CDH13: variants seen among roughly 807,000 people sequenced by gnomAD.
CDH13 encodes cadherin-13.
Under a neutral mutation model 63.8 loss-of-function variants are expected in CDH13, and 24 were observed. That is an observed-to-expected ratio of 0.38 (90% confidence interval 0.27 to 0.53). The LOEUF (loss-of-function observed/expected upper bound fraction) is 0.53, where lower values mean the gene tolerates loss of function less well. Ranked by LOEUF, CDH13 falls within the 20% of genes least tolerant of loss-of-function variation. The pLI is 0.85. For missense variants in CDH13, 1,049 were observed against 903.1 expected (o/e 1.16, Z -2.07); for synonymous variants, 503 against 355.3 (o/e 1.42, Z -4.67).
chr16:82,915,020 G>A (rs763441837), intron 2 of CDH13, among the ~76,000 whole-genome samples: 1 of 152,212 alleles, frequency 6.6e-6, no homozygotes, highest in Non-Finnish European at 1.5e-5. Context: ...ACGATGTGCA[G>A]TGGTCTAAAC....
chr16:82,971,247 C>G (rs1908699004), intron 2 of CDH13, among the ~76,000 whole-genome samples: 1 of 152,200 alleles, frequency 6.6e-6, no homozygotes, highest in African/African-American at 2.4e-5. Context: ...ACATTGACAG[C>G]TGATTTGATA....
intron 6 of CDH13, among the ~76,000 whole-genome samples, chr16:83,371,446 A>G (rs1474610418): frequency 1.3e-5 from 2 of 152,172 alleles, no homozygotes; most frequent in African/African-American, 2.4e-5. Flanking sequence ...TTCTTGGCAT[A>G]CTTATACTTT....
chr16:82,833,426 C>G (rs1374973821), intron 1 of CDH13, among the ~76,000 whole-genome samples: 4 of 152,170 alleles, frequency 2.6e-5, no homozygotes, highest in Non-Finnish European at 5.9e-5. Flanking sequence ...GCCAGGTTTG[C>G]TTGACTTCAC....
intron 6 of CDH13, among the ~76,000 whole-genome samples, chr16:83,444,962 A>G (rs1371860772): frequency 6.6e-6 from 1 of 151,604 alleles, no homozygotes; most frequent in Non-Finnish European, 1.5e-5. Flanking sequence ...TAAAGCTCTT[A>G]AGAAAGGATG....
intron 4 of CDH13, among the ~76,000 whole-genome samples, chr16:83,209,401 G>T (rs182085772): frequency 3.3e-5 from 5 of 152,264 alleles, no homozygotes; most frequent in African/African-American, 9.6e-5. Context: ...CCTCCACACA[G>T]AGTCATTTTC....
intron 8 of CDH13, among the ~76,000 whole-genome samples, chr16:83,648,078 A>T (rs547984855): frequency 6.6e-6 from 1 of 152,172 alleles, no homozygotes; most frequent in East Asian, 1.9e-4. Flanking sequence ...ATATTCCCTC[A>T]AGGTGTGTTT....
At chr16:83,323,942 A>C (rs1597746984) in intron 5 of CDH13, among the ~76,000 whole-genome samples, 1 of 152,132 alleles carries the variant, frequency 6.6e-6, no homozygotes, top group Non-Finnish European at 1.5e-5. Flanking sequence ...GATATAATTC[A>C]CACACCACAC....
chr16:83,149,380 C>T (rs973453292), intron 4 of CDH13, among the ~76,000 whole-genome samples: 6 of 152,176 alleles, frequency 3.9e-5, no homozygotes, highest in African/African-American at 1.4e-4. Context: ...GCGATGTTAA[C>T]TTTAAACTCA....
intron 2 of CDH13, among the ~76,000 whole-genome samples, chr16:82,873,992 A>G (rs1047256741): frequency 9.9e-5 from 15 of 152,140 alleles, no homozygotes; most frequent in African/African-American, 3.6e-4. Flanking sequence ...AAAATATTTG[A>G]GAAATTAGTA....
intron 5 of CDH13, among the ~76,000 whole-genome samples, chr16:83,240,871 T>G (rs929478477): frequency 4.6e-5 from 7 of 151,988 alleles, no homozygotes; most frequent in Admixed American, 1.3e-4. Flanking sequence ...TTCTTAACCA[T>G]TTATAAGTAT....
At chr16:83,769,747 A>G (rs1914636884) in intron 11 of CDH13, among the ~76,000 whole-genome samples, 1 of 152,158 alleles carries the variant, frequency 6.6e-6, no homozygotes. Flanking sequence ...TTGATCTGCA[A>G]ATTGACTGTC....
chr16:83,701,196 G>T (rs1454313721), intron 10 of CDH13, among the ~76,000 whole-genome samples: 1 of 152,148 alleles, frequency 6.6e-6, no homozygotes, highest in Non-Finnish European at 1.5e-5. Context: ...TGGCTGAAAC[G>T]ACTGAGCCAG....
chr16:82,817,729 C>T (rs1056061928), intron 1 of CDH13, among the ~76,000 whole-genome samples: 2 of 152,144 alleles, frequency 1.3e-5, no homozygotes, highest in Non-Finnish European at 2.9e-5. Context: ...CACTTGAACT[C>T]AGGAGGCAGA....
intron 6 of CDH13, among the ~76,000 whole-genome samples, chr16:83,352,071 G>A (rs2090962123): frequency 6.6e-6 from 1 of 152,210 alleles, no homozygotes; most frequent in Non-Finnish European, 1.5e-5. Context: ...TGGAATTTTA[G>A]TGAAGAAGTG....
Position 82,770,669 on chromosome 16 carries a change from A to T in CDH13, c.46-87693A>T, listed in dbSNP as rs192914393. ...ATAATATTCTTCCATTTGGAGATAC[A>T]TATTTTAGTTCAGTATTATTGTGGC... On this transcript the variant is annotated intron_variant, in intron 1 of 13. Coordinates refer to ENST00000567109, the MANE Select transcript of CDH13 (RefSeq NM_001257.5). 2.2e-4 allele frequency among the ~76,000 whole-genome samples: 33 copies of T among 152,296 alleles called. No individual in the cohort carries two copies. In the East Asian group the frequency reaches 5.2e-3, roughly 24 times the overall value.
chr16:83,579,516 A>G (rs980643716), intron 7 of CDH13, among the ~76,000 whole-genome samples: 2 of 151,870 alleles, frequency 1.3e-5, no homozygotes, highest in Admixed American at 6.6e-5. Context: ...AAACAACCAG[A>G]TCTCACAAGA....
At chr16:83,161,871 A>C (rs559189823) in intron 4 of CDH13, among the ~76,000 whole-genome samples, 13 of 152,328 alleles carry the variant, frequency 8.5e-5, no homozygotes, top group Middle Eastern at 3.4e-3. Context: ...GTAGTTATTC[A>C]GGGACACTGC....
chr16:82,729,566 C>T (rs1313076060), intron 1 of CDH13, among the ~76,000 whole-genome samples: 2 of 151,820 alleles, frequency 1.3e-5, no homozygotes, highest in Non-Finnish European at 2.9e-5. Context: ...AACAGATGTG[C>T]TGTTAGACAG....
intron 7 of CDH13, among the ~76,000 whole-genome samples, chr16:83,491,505 G>C (rs968091497): frequency 4.6e-5 from 7 of 151,592 alleles, no homozygotes; most frequent in African/African-American, 1.7e-4. Flanking sequence ...TCATCTGCTG[G>C]AATCTGCCAG....
Sources: allele counts gnomAD v4.1 joint callset (sites outside exome capture counted in the v4.1 genomes callset), GRCh38; gene constraint gnomAD v4.1.1; transcripts MANE v1.5; gene names NCBI Gene and HGNC (gene_info 2026-07-23, HGNC 2026-07-21).